CPPED1: variants seen among roughly 807,000 people sequenced by gnomAD.
The protein encoded by CPPED1 is serine/threonine-protein phosphatase CPPED1.
CPPED1 carries 28 observed loss-of-function variants against 28.0 expected under a neutral mutation model. The ratio of observed to expected loss-of-function variants is 1.00; its 90% CI spans 0.74 to 1.37. The LOEUF (loss-of-function observed/expected upper bound fraction) is 1.37. Among genes scored for constraint, CPPED1 ranks in the 40% most tolerant of loss-of-function variants. The probability of loss-of-function intolerance (pLI) is 0.00; values close to 1 mark genes in which losing one functional copy is unlikely to be tolerated. For synonymous variants in CPPED1, 198 were observed against 180.2 expected, an observed-to-expected ratio of 1.10 and a Z score of -0.79; for missense variants, 504 against 416.5, an observed-to-expected ratio of 1.21 and a Z score of -1.83.
At chr16:12,741,512 A>C (rs2080255498) in intron 2 of CPPED1, among the ~76,000 whole-genome samples, 1 of 152,204 alleles carries the variant, frequency 6.6e-6, no homozygotes, top group Non-Finnish European at 1.5e-5. Context: ...GTGGGGAAGG[A>C]ATTAGATGGA....
intron 2 of CPPED1, among the ~76,000 whole-genome samples, chr16:12,766,260 G>GAGAGAGAGAC (rs2080438142): frequency 9.0e-6 from 1 of 111,648 alleles, no homozygotes; most frequent in African/African-American, 4.2e-5. Flanking sequence ...TATATATAGA[G>GAGAGAGAGAC]AGAGAGAGAG....
chr16:12,790,404 G>T (rs933060122), intron 1 of CPPED1, among the ~76,000 whole-genome samples: 1 of 152,056 alleles, frequency 6.6e-6, no homozygotes, highest in South Asian at 2.1e-4. Flanking sequence ...TACCAGTTAA[G>T]CAATGACTAA....
chr16:12,774,592 A>G (rs1318151078), intron 2 of CPPED1, among the ~76,000 whole-genome samples: 1 of 152,198 alleles, frequency 6.6e-6, no homozygotes, highest in African/African-American at 2.4e-5. Context: ...TAGTCCTTCA[A>G]AAGCTCACCA....
At chr16:12,778,378 C>T (rs563867994) in intron 2 of CPPED1, among the ~76,000 whole-genome samples, 19 of 148,114 alleles carry the variant, frequency 1.3e-4, no homozygotes, top group Admixed American at 3.4e-4. Flanking sequence ...TGGGTTCAAG[C>T]GATTCTCCTG....
chr16:12,690,662 C>CA (rs748989286), intron 3 of CPPED1, among the ~76,000 whole-genome samples: 2,773 of 94,564 alleles, frequency 0.029, 63 homozygotes, highest in African/African-American at 0.07. Context: ...TAGTTTCTAC[C>CA]AAAAAAAAAA....
chr16:12,733,035 T>A (rs1028935862), intron 2 of CPPED1, among the ~76,000 whole-genome samples: 11 of 152,252 alleles, frequency 7.2e-5, no homozygotes, highest in African/African-American at 2.6e-4. Flanking sequence ...AAAGCTGAGA[T>A]TGGTTATTAT....
At chr16:12,717,397 G>C (rs1004641430) in intron 2 of CPPED1, among the ~76,000 whole-genome samples, 30 of 152,262 alleles carry the variant, frequency 2.0e-4, no homozygotes, top group African/African-American at 7.2e-4. Context: ...CCGAGTAGCT[G>C]GGACTACAGG....
rs2080068511 is a variant in CPPED1, at chr16:12,709,426, G to C, written c.290-4377C>G. Among the ~76,000 whole-genome samples the C allele has an allele frequency of 6.6e-6, 1 of 152,090 alleles. No homozygotes were observed. Among genetic ancestry groups the C allele is most frequent in the Non-Finnish European group, 1.5e-5 (1 of 68,014 alleles). ...CTGACCCCCACGGAGAGGAGCCCTG[G>C]GTGGGAATGGCGAGAGCAGTGTAGA... is the stretch of plus-strand genomic sequence containing the variant. On this transcript the variant is annotated intron_variant, in intron 2 of 3. Transcript: ENST00000381774. This position sits in a 1 kb window ranked among gnomAD's most constrained non-coding sequence, Gnocchi z 4.4.
intron 3 of CPPED1, among the ~76,000 whole-genome samples, chr16:12,676,804 C>G (rs2079880118): frequency 6.6e-6 from 1 of 152,258 alleles, no homozygotes; most frequent in East Asian, 1.9e-4. Context: ...CATTATCTGT[C>G]TAGACATTGT....
chr16:12,717,279 T>C (rs1010521822), intron 2 of CPPED1, among the ~76,000 whole-genome samples: 1 of 152,236 alleles, frequency 6.6e-6, no homozygotes, highest in Admixed American at 6.5e-5. Flanking sequence ...TCTTTTTTTC[T>C]TTGAGGCGGA....
chr16:12,769,919 A>C (rs1186838957), intron 2 of CPPED1, among the ~76,000 whole-genome samples: 3 of 152,192 alleles, frequency 2.0e-5, no homozygotes, highest in African/African-American at 7.2e-5. Context: ...GTAGACACTT[A>C]AACATAACAA....
chr16:12,801,775 G>C (rs1198874511), intron 1 of CPPED1, among the ~76,000 whole-genome samples: 3 of 152,178 alleles, frequency 2.0e-5, no homozygotes, highest in Non-Finnish European at 2.9e-5. Flanking sequence ...TTTAAAAAGG[G>C]TTTAAAAAGG....
chr16:12,670,443 C>T lies in CPPED1; in HGVS notation c.716-5328G>A, dbSNP rs1474836199. ...ACCCTCTAGGAAGTAGTGCATCTTT[C>T]TTCATCCCTTAGGTGTGGGCTGTGC... is the stretch of plus-strand genomic sequence containing the variant. On this transcript the variant is annotated intron_variant, in intron 3 of 3. Coordinates refer to ENST00000381774, the MANE Select transcript of CPPED1 (RefSeq NM_018340.3). The surrounding 1 kb of genome is among the most constrained non-coding windows in gnomAD (Gnocchi z 4.2). 6.6e-6 allele frequency among the ~76,000 whole-genome samples: 1 copy of T among 152,088 alleles called. No individual in the cohort carries two copies. Among genetic ancestry groups the T allele is most frequent in the Non-Finnish European group, 1.5e-5 (1 of 68,018 alleles).
intron 3 of CPPED1, among the ~76,000 whole-genome samples, chr16:12,687,504 G>C (rs2079939593): frequency 6.6e-6 from 1 of 152,092 alleles, no homozygotes; most frequent in Non-Finnish European, 1.5e-5. Flanking sequence ...TCCTAGGCCA[G>C]GCACACCTGC....
rs187222785 is a variant in CPPED1, at chr16:12,732,554, C to T, written c.290-27505G>A. Among the ~76,000 whole-genome samples the T allele has an allele frequency of 4.4e-4, 67 of 150,958 alleles. 1 individual carries two copies. The highest frequency in any genetic ancestry group is 3.4e-3 in the Admixed American group (52 of 15,148). ...GGATGAAATAATTCAAAAGGACTTC[C>T]GAGAACAAAAGGGCATGAGTTTAAA... On this transcript the variant is annotated intron_variant, in intron 2 of 3. Coordinates refer to ENST00000381774, the MANE Select transcript of CPPED1 (RefSeq NM_018340.3).
intron 2 of CPPED1, among the ~76,000 whole-genome samples, chr16:12,744,999 A>G (rs2080278118): frequency 6.6e-6 from 1 of 152,188 alleles, no homozygotes; most frequent in African/African-American, 2.4e-5. Context: ...AAAATACAAA[A>G]GTAAAAATAA....
intron 1 of CPPED1, among the ~76,000 whole-genome samples, chr16:12,802,036 G>T (rs1039172872): frequency 3.9e-5 from 6 of 152,108 alleles, no homozygotes; most frequent in African/African-American, 1.2e-4. Context: ...GCTGCCTTTT[G>T]CTTCTCTCCC....
At chr16:12,668,257 C>G (rs1020820545) in intron 3 of CPPED1, among the ~76,000 whole-genome samples, 1 of 152,052 alleles carries the variant, frequency 6.6e-6, no homozygotes, top group Non-Finnish European at 1.5e-5. Flanking sequence ...GACCAAACGC[C>G]AATATTTTGG....
At chr16:12,716,974 G>A (rs376273445) in intron 2 of CPPED1, among the ~76,000 whole-genome samples, 21 of 152,160 alleles carry the variant, frequency 1.4e-4, no homozygotes, top group African/African-American at 4.6e-4. Context: ...GCACCCCAGA[G>A]CTTTCCCAGA....
Sources: allele counts gnomAD v4.1 joint callset (sites outside exome capture counted in the v4.1 genomes callset), GRCh38; gene constraint gnomAD v4.1.1; non-coding constraint Gnocchi (gnomAD v3.1); transcripts MANE v1.5; gene names NCBI Gene and HGNC (gene_info 2026-07-23, HGNC 2026-07-21).